MCM6: variants seen among roughly 807,000 people sequenced by gnomAD.
MCM6 encodes DNA replication licensing factor MCM6.
Under a neutral mutation model 94.3 loss-of-function variants are expected in MCM6, and 46 were observed. The observed-to-expected ratio is 0.49, with a 90% CI of 0.39 to 0.62. The LOEUF is 0.62. Ranked by LOEUF, MCM6 falls within the 20% of genes least tolerant of loss-of-function variation. The pLI, the probability that MCM6 is intolerant of heterozygous loss-of-function variation, is 0.00. For missense variants in MCM6, 865 were observed against 1,017.9 expected, an observed-to-expected ratio of 0.85 and a Z score of 2.04; for synonymous variants, 335 against 351.9, an observed-to-expected ratio of 0.95 and a Z score of 0.54.
intron 11 of MCM6, 38 bp from the exon 12 acceptor site, chr2:135,852,953 C>T: frequency 6.4e-7 from 1 of 1,554,856 alleles, no homozygotes; most frequent in Admixed American, 1.9e-5. Context: ...ATAGTCACAG[C>T]AATATCTTCT....
In MCM6 at chr2:135,868,545, G is replaced by C. The variant is rs142761194; in HGVS notation, c.615+66C>G. On this transcript the variant is annotated intron_variant, in intron 4 of 16. Transcript: ENST00000264156. ...TTGAACATTATCTAAATAAGCTATT[G>C]CAAGGGCCTAGAAGTGAATTATTAT... 2.8e-3 allele frequency: 4,277 copies of C among 1,515,792 alleles called. 40 individuals are homozygous for C. Among genetic ancestry groups the C allele is most frequent in the South Asian group, 0.017 (1,411 of 85,422 alleles). The allele number at this position is 1,515,792 out of a possible 1,614,324, so 93.9% of individuals were successfully genotyped here. A position where few individuals can be genotyped will look rare whatever the true frequency, so the allele number is the denominator to read the frequency against.
In MCM6 at chr2:135,872,791, T is replaced by C; in HGVS notation, c.160A>G (p.Ile54Val). 2.5e-6 allele frequency: 4 copies of C among 1,614,220 alleles called. No homozygotes were observed. The highest frequency in any genetic ancestry group is 3.4e-6 in the Non-Finnish European group (4 of 1,180,048). Residue 54 changes from isoleucine to valine, a missense_variant, in exon 2 of 17, where the codon ATT (isoleucine) becomes GTT (valine). Around this residue, in one of 3 missense-constraint regions of MCM6, gnomAD observed 404 missense variants for 451.9 expected, o/e 0.89. Coordinates refer to ENST00000264156, the MANE Select transcript of MCM6 (RefSeq NM_005915.6). ...ACCAATGTGTTTCTCTCAGGACGAA[T>C]CAGTTCCTCTGCTAATTGCAAGTAT... The part of the protein sequence containing the change: ...IKYLQLAEEL[I>V]RPERNTLVVS...
chr2:135,843,881 A>G (rs2105571045), intron 16 of MCM6, among the ~76,000 whole-genome samples: 1 of 152,252 alleles, frequency 6.6e-6, no homozygotes, highest in Middle Eastern at 3.4e-3. Context: ...AGCTGTGGAC[A>G]GGCTGAGTAC....
At position 135,872,835 on chromosome 2, in the gene MCM6, C is replaced by T. The variant is rs1009736928; in HGVS notation, c.116G>A (p.Ser39Asn). The change falls in exon 2 of 17, where the codon AGC becomes AAC. Residue 39 changes from serine to asparagine, a missense_variant. By Grantham distance (46) the Ser-to-Asn change is conservative. Coordinates refer to ENST00000264156, the MANE Select transcript of MCM6 (RefSeq NM_005915.6). ...CAAGTATTTAATTTCTCCATCGCTG[C>T]TCTGAAACCTGCAGGTACATTCGAG... ...LFLDFLEEFQSSDGEIKYLQL... is the reference protein window; with the variant it reads ...LFLDFLEEFQNSDGEIKYLQL... 4 of 1,614,034 alleles carry T rather than the reference C, an allele frequency of 2.5e-6. No individual in the cohort carries two copies. The highest frequency in any genetic ancestry group is 8.5e-7 in the Non-Finnish European group (1 of 1,179,972).
intron 14 of MCM6, among the ~76,000 whole-genome samples, chr2:135,846,776 A>G (rs4988260): frequency 0.065 from 9,951 of 152,122 alleles, 862 homozygotes; most frequent in African/African-American, 0.2. Flanking sequence ...GGCCAAGGGA[A>G]GCACATCACC....
At chr2:135,869,356 G>A (rs533399417) in intron 3 of MCM6, among the ~76,000 whole-genome samples, 9 of 149,336 alleles carry the variant, frequency 6.0e-5, no homozygotes, top group African/African-American at 2.2e-4. Flanking sequence ...AGCCAAGATC[G>A]TGCCACTGCA....
intron 13 of MCM6, 95 bp downstream of exon 13, chr2:135,851,307 T>G: frequency 1.1e-6 from 1 of 914,872 alleles, no homozygotes. Flanking sequence ...AAAAATGTAT[T>G]TGCAGTGAAT....
chr2:135,859,537 C>T, intron 8 of MCM6, 95 bp from the exon 9 acceptor site: 2 of 781,932 alleles, frequency 2.6e-6, no homozygotes, highest in Non-Finnish European at 2.0e-6. Context: ...ACTGAAAGAA[C>T]ATTTGAGAGC....
At chr2:135,849,634 TA>T (rs1317849197) in intron 13 of MCM6, among the ~76,000 whole-genome samples, 1 of 152,096 alleles carries the variant, frequency 6.6e-6, no homozygotes, top group African/African-American at 2.4e-5. Context: ...CCCCATAGAT[TA>T]AAACATCATG....
Position 135,872,772 on chromosome 2 carries a change from G to A in MCM6, c.179C>T (p.Thr60Ile). The A allele has an allele frequency of 1.2e-6, 2 of 1,614,160 alleles. No individual in the cohort carries two copies. The highest frequency in any genetic ancestry group is 2.2e-5 in the East Asian group (1 of 44,892). ...CAGGTCCACAAAACTCACAACCAAT[G>A]TGTTTCTCTCAGGACGAATCAGTTC... ...AEELIRPERN[T>I]LVVSFVDLEQ... Residue 60 changes from threonine to isoleucine, a missense_variant, in exon 2 of 17, where the codon ACA becomes ATA. Thr to Ile is a moderately conservative substitution (Grantham distance 89). Transcript: ENST00000264156.
chr2:135,865,433 G>T (rs889199576), intron 6 of MCM6, among the ~76,000 whole-genome samples: 4 of 152,146 alleles, frequency 2.6e-5, no homozygotes, highest in Non-Finnish European at 4.4e-5. Flanking sequence ...GTTAATCACT[G>T]ACATAAAGAT....
chr2:135,855,396 T>C (rs1193564791), intron 11 of MCM6, among the ~76,000 whole-genome samples: 4 of 152,100 alleles, frequency 2.6e-5, no homozygotes, highest in African/African-American at 9.7e-5. Flanking sequence ...CCAGGTGTGA[T>C]GGTGCAGGCC....
At chr2:135,855,393 T>G (rs1679854549) in intron 11 of MCM6, among the ~76,000 whole-genome samples, 1 of 151,750 alleles carries the variant, frequency 6.6e-6, no homozygotes, top group South Asian at 2.1e-4. Flanking sequence ...AAACCAGGTG[T>G]GATGGTGCAG....
chr2:135,866,775 T>C (rs1680102367), intron 4 of MCM6, 47 bp from the exon 5 acceptor site: 2 of 1,454,726 alleles, frequency 1.4e-6, no homozygotes, highest in Non-Finnish European at 1.9e-6. Flanking sequence ...GCAATACCTT[T>C]CAGATGCCAT....
At position 135,865,145 on chromosome 2, in the gene MCM6, T is replaced by C; in HGVS notation, c.946A>G (p.Arg316Gly). The change falls in exon 7 of 17, where the codon AGA (arginine) becomes GGA (glycine). Residue 316 changes from arginine (R) to glycine (G), a missense_variant. Arg to Gly is a moderately radical substitution (Grantham distance 125). Transcript: ENST00000264156. Reference protein sequence around the residue: ...TNPRFGGKELRDEEQTAESIK... With the variant: ...TNPRFGGKELGDEEQTAESIK... ...CTCTCAGCTGTCTGTTCCTCATCTC[T>C]GAGCTCTTTCCCCCCAAACTAATGG... The C allele has an allele frequency of 1.3e-6, 2 of 1,543,532 alleles. No homozygotes were observed. The highest frequency in any genetic ancestry group is 8.7e-7 in the Non-Finnish European group (1 of 1,147,630).
intron 11 of MCM6, among the ~76,000 whole-genome samples, chr2:135,855,162 A>G (rs1558757861): frequency 6.6e-6 from 1 of 152,212 alleles, no homozygotes. Context: ...TCACAAAACA[A>G]AACAAAACTA....
chr2:135,863,741 CAAA>C (rs1680036796), intron 7 of MCM6, among the ~76,000 whole-genome samples: 1 of 147,914 alleles, frequency 6.8e-6, no homozygotes, highest in South Asian at 2.1e-4. Context: ...CAAAACAAAA[CAAA>C]ACAAAACAAA....
chr2:135,854,132 T>TGGGAGGCTGGCTTGAGCCC (rs1679827874), intron 11 of MCM6, among the ~76,000 whole-genome samples: 2 of 150,510 alleles, frequency 1.3e-5, no homozygotes, highest in African/African-American at 4.9e-5. Flanking sequence ...GAGGCTGAGG[T>TGGGAGGCTGGCTTGAGCCC]GGGAGGCTGG....
chr2:135,845,300 T>C (rs1246803503), intron 15 of MCM6, among the ~76,000 whole-genome samples: 3 of 152,244 alleles, frequency 2.0e-5, no homozygotes, highest in African/African-American at 7.2e-5. Flanking sequence ...TGTTTGGACC[T>C]GGATAACATA....
Sources: gnomAD v4.1 joint callset for allele counts (sites outside exome capture counted in the v4.1 genomes callset) on GRCh38, gnomAD v4.1.1 for gene constraint, gnomAD v4.1.1 regional missense constraint, MANE v1.5 for transcripts, NCBI Gene and HGNC (gene_info 2026-07-23, HGNC 2026-07-21) for gene names.